The following CTBP2 variants were observed in gnomAD, a reference collection of about 807,000 sequenced individuals.
CTBP2 encodes the protein C-terminal binding protein 2.
Under a neutral mutation model 80.3 loss-of-function variants are expected in CTBP2, and 30 were observed. The observed-to-expected ratio is 0.37, with a 90% CI of 0.28 to 0.51. The LOEUF (loss-of-function observed/expected upper bound fraction) is 0.51, where lower values mean the gene tolerates loss of function less well. Ranked by LOEUF, CTBP2 falls within the 20% of genes least tolerant of loss-of-function variation. The pLI, the probability that CTBP2 is intolerant of heterozygous loss-of-function variation, is 0.93. For missense variants in CTBP2, 1,212 were observed against 1,375.3 expected, an observed-to-expected ratio of 0.88 and a Z score of 1.88; for synonymous variants, 594 against 587.4, an observed-to-expected ratio of 1.01 and a Z score of -0.16.
At chr10:125,010,576 C>T (rs535516794) in intron 1 of CTBP2, among the ~76,000 whole-genome samples, 63 of 152,318 alleles carry the variant, frequency 4.1e-4, no homozygotes, top group Admixed American at 2.0e-3. Context: ...GCAGACATCA[C>T]TAATCGATCC....
At chr10:125,101,445 GT>G (rs893842373) in intron 2 of CTBP2, among the ~76,000 whole-genome samples, 1 of 152,240 alleles carries the variant, frequency 6.6e-6, no homozygotes, top group Admixed American at 6.5e-5. Context: ...CAGCAGCATG[GT>G]GCCAGCACCT....
intron 1 of CTBP2, chr10:125,133,656 A>G (rs545578315): frequency 6.6e-6 from 1 of 152,352 alleles, no homozygotes; most frequent in East Asian, 1.9e-4. Context: ...ATTAGAACGC[A>G]TTTGAACACA....
intron 2 of CTBP2, among the ~76,000 whole-genome samples, chr10:125,080,955 A>T (rs1274290338): frequency 1.0e-5 from 1 of 95,906 alleles, no homozygotes; most frequent in East Asian, 2.5e-4. Context: ...TACAGGACTT[A>T]AAAAAAAAAA....
intron 1 of CTBP2, among the ~76,000 whole-genome samples, chr10:125,123,649 G>A (rs1259584214): frequency 3.3e-5 from 5 of 152,316 alleles, no homozygotes; most frequent in East Asian, 1.9e-4. Context: ...CACTGCTTAC[G>A]CACTCAACTG....
At chr10:125,132,740 T>A (rs978743347) in intron 1 of CTBP2, among the ~76,000 whole-genome samples, 1 of 152,248 alleles carries the variant, frequency 6.6e-6, no homozygotes, top group Non-Finnish European at 1.5e-5. Flanking sequence ...TGGGTTTTCA[T>A]CTGCACAGCA....
In CTBP2 at chr10:125,017,722, C is replaced by T. The variant is rs74163309; in HGVS notation, c.1678+8360G>A. Among the ~76,000 whole-genome samples the T allele has an allele frequency of 5.4e-3, 818 of 152,326 alleles. 8 individuals are homozygous for T. The highest frequency in any genetic ancestry group is 0.019 in the African/African-American group (772 of 41,564). On this transcript the variant is annotated intron_variant, in intron 1 of 8. Coordinates refer to ENST00000309035, the MANE Select transcript of CTBP2 (RefSeq NM_022802.3). ...TGATCCAGGGCAAGGAGTTTGGCCCCGCAGTCGGAGCAGCTCAGATGCAGC... is the reference window on the plus strand; with the variant it reads ...TGATCCAGGGCAAGGAGTTTGGCCCTGCAGTCGGAGCAGCTCAGATGCAGC...
upstream of CTBP2, among the ~76,000 whole-genome samples, chr10:125,030,504 T>C (rs1403645027): frequency 6.6e-6 from 1 of 152,140 alleles, no homozygotes; most frequent in South Asian, 2.1e-4. Context: ...ATGGGGATGA[T>C]CAGTGGGTAC....
chr10:124,992,622 A>C, intron 8 of CTBP2, 73 bp downstream of exon 10: 1 of 1,107,372 alleles, frequency 9.0e-7, no homozygotes, highest in Admixed American at 2.4e-5. Flanking sequence ...GCTTCCGCCA[A>C]GTTTGGGCTT....
upstream of CTBP2, among the ~76,000 whole-genome samples, chr10:125,030,899 C>T (rs1262784025): frequency 1.3e-5 from 2 of 152,140 alleles, no homozygotes; most frequent in Non-Finnish European, 1.5e-5. Context: ...CCTGCCTCCA[C>T]CAACACAAAG....
At chr10:125,070,887 C>A (rs1046469191) in intron 2 of CTBP2, among the ~76,000 whole-genome samples, 31 of 152,148 alleles carry the variant, frequency 2.0e-4, no homozygotes, top group African/African-American at 7.5e-4. Context: ...CTCTCAGTCT[C>A]CCAAAGTGCC....
At chr10:125,036,712 TGTG>T (rs1490093870) in intron 3 of CTBP2, among the ~76,000 whole-genome samples, 2 of 98,966 alleles carry the variant, frequency 2.0e-5, no homozygotes, top group African/African-American at 5.4e-5. Flanking sequence ...TGTGTGTGTG[TGTG>T]TTTGTGTGTG....
Position 125,126,537 on chromosome 10 carries a change from G to A in CTBP2, c.-205-15444C>T, listed in dbSNP as rs115874234. Among the ~76,000 whole-genome samples, 138 of 152,300 alleles carry A rather than the reference G, an allele frequency of 9.1e-4. 1 individual carries two copies. The highest frequency in any genetic ancestry group is 3.0e-3 in the African/African-American group (126 of 41,556). On this transcript the variant is annotated intron_variant, in intron 1 of 10. Transcript: ENST00000337195. The stretch of plus-strand genomic sequence containing the variant: ...ACAGCTGAGGATGGGGATGGCAAAG[G>A]CAGAAAGCCACAGATGAACCGAAAT...
intron 2 of CTBP2, among the ~76,000 whole-genome samples, chr10:125,084,097 A>AT (rs1208695333): frequency 6.6e-6 from 1 of 151,934 alleles, no homozygotes; most frequent in African/African-American, 2.4e-5. Context: ...ACGTTTTTTG[A>AT]TTTTTTGTAG....
intron 1 of CTBP2, among the ~76,000 whole-genome samples, chr10:125,142,656 C>T (rs73379149): frequency 0.028 from 4,268 of 152,242 alleles, 178 homozygotes; most frequent in African/African-American, 0.093. Flanking sequence ...TGATCCTTCT[C>T]AAAAAGCAAA....
chr10:124,984,352 T>A lies in CTBP2; in HGVS notation c.*5166A>T, dbSNP rs1212259252. The A allele has an allele frequency of 6.3e-6, 1 of 159,656 alleles. No homozygotes were observed. The highest frequency in any genetic ancestry group is 1.8e-4 in the East Asian group (1 of 5,426). 9.9% of individuals were successfully genotyped at this position (159,656 alleles called of 1,614,324 possible). On this transcript the variant is annotated 3_prime_UTR_variant, in exon 9 of 9. Coordinates refer to ENST00000309035, the MANE Select transcript of CTBP2 (RefSeq NM_022802.3). The stretch of plus-strand genomic sequence containing the variant: ...AGTATTGGTCTTTTATTTAATATAC[T>A]AGTAATTATAAAACGTTTATAATCA...
chr10:125,125,589 C>T (rs961026806), intron 1 of CTBP2, among the ~76,000 whole-genome samples: 2 of 152,114 alleles, frequency 1.3e-5, no homozygotes, highest in East Asian at 1.9e-4. Context: ...ATAATGGCTC[C>T]GAGTGAGTTA....
At chr10:125,016,088 G>A (rs1346472575) in intron 1 of CTBP2, among the ~76,000 whole-genome samples, 1 of 152,252 alleles carries the variant, frequency 6.6e-6, no homozygotes, top group Non-Finnish European at 1.5e-5. Flanking sequence ...GGAAGGGGAT[G>A]GTCAGGGTGC....
Position 125,027,441 on chromosome 10 carries a change from G to C in CTBP2, c.319C>G (p.Pro107Ala), listed in dbSNP as rs1464654224. 4 of 1,614,142 alleles carry C rather than the reference G, an allele frequency of 2.5e-6. No individual in the cohort carries two copies. The highest frequency in any genetic ancestry group is 1.1e-5 in the South Asian group (1 of 91,080). Residue 107 changes from proline to alanine, a missense_variant, in exon 1 of 9, where the codon CCA becomes GCA. Physicochemically the swap from Pro to Ala is conservative, Grantham distance 27. Coordinates refer to ENST00000309035, the MANE Select transcript of CTBP2 (RefSeq NM_022802.3). ...GACGGATCACTGTAGTACTCCCGTGGCAGCAGGGGGCTGCGACCAGACATC... is the reference window on the plus strand; with the variant it reads ...GACGGATCACTGTAGTACTCCCGTGCCAGCAGGGGGCTGCGACCAGACATC...
rs200531052 is a variant in CTBP2 at position 124,993,251 on chromosome 10, T to C, written c.2610A>G (p.Ser870=). The change falls in exon 7 of 9, where the codon TCA becomes TCG. Residue 870 remains serine (S), a synonymous_variant. Coordinates refer to ENST00000309035, the MANE Select transcript of CTBP2 (RefSeq NM_022802.3). ...TGGCAGCTGCCTCCCTCATCTCCAGTGACGCCTGCTCACTGTACCAGGCAG... is the reference window on the plus strand; with the variant it reads ...TGGCAGCTGCCTCCCTCATCTCCAGCGACGCCTGCTCACTGTACCAGGCAG... 30 of 1,604,498 alleles carry C rather than the reference T, an allele frequency of 1.9e-5. No homozygotes were observed. In the East Asian group the frequency reaches 6.7e-4, roughly 36 times the overall value.
Sources: allele counts gnomAD v4.1 joint callset (sites outside exome capture counted in the v4.1 genomes callset), GRCh38; gene constraint gnomAD v4.1.1; transcripts MANE v1.5; gene names NCBI Gene and HGNC (gene_info 2026-07-23, HGNC 2026-07-21).